The following CPD variants were observed in gnomAD, a reference collection of about 807,000 sequenced individuals.
CPD encodes carboxypeptidase D, also known as metallocarboxypeptidase D.
Under a neutral mutation model 138.3 loss-of-function variants are expected in CPD, and 69 were observed. The observed-to-expected ratio is 0.50, with a 90% CI of 0.41 to 0.61. The LOEUF is 0.61. CPD is among the 20% of genes least tolerant of loss of function. CPD has a pLI of 0.00. For synonymous variants in CPD, 651 were observed against 642.1 expected (o/e 1.01, Z -0.21); for missense variants, 1,432 against 1,733.3 (o/e 0.83, Z 3.09).
At chr17:30,406,190 G>A (rs1319471281) in intron 2 of CPD, among the ~76,000 whole-genome samples, 1 of 151,728 alleles carries the variant, frequency 6.6e-6, no homozygotes, top group Non-Finnish European at 1.5e-5. Flanking sequence ...AAAATTTGGG[G>A]ACTGTATGTC....
chr17:30,456,473 C>T lies in CPD; in HGVS notation c.3445C>T (p.Pro1149Ser). Residue 1149 changes from proline to serine, a missense_variant, in exon 17 of 21, where the codon CCA becomes TCA. Physicochemically the swap from Pro to Ser is moderately conservative, Grantham distance 74. Coordinates refer to ENST00000225719, the MANE Select transcript of CPD (RefSeq NM_001304.5). ...TAATGCTTTTATAGATGAGAATATTCCAGGAGGAGTAATGCGTGGAGCAGA... is the reference window on the plus strand; with the variant it reads ...TAATGCTTTTATAGATGAGAATATTTCAGGAGGAGTAATGCGTGGAGCAGA... ...SCPNKSDENI[P>S]GGVMRGAEWH... is the part of the protein sequence containing the mutation. The T allele has an allele frequency of 6.2e-7, 1 of 1,614,076 alleles. No homozygotes were observed. Among genetic ancestry groups the T allele is most frequent in the African/African-American group, 1.3e-5 (1 of 75,010 alleles).
rs766923875 is a variant in CPD at position 30,451,828 on chromosome 17, T to C, written c.3187T>C (p.Leu1063=). 6.2e-7 allele frequency: 1 copy of C among 1,613,950 alleles called. No homozygotes were observed. Among genetic ancestry groups the C allele is most frequent in the African/African-American group, 1.3e-5 (1 of 74,938 alleles). ...IGQTNARGKD[L]DTDFTNNASQ... is the part of the protein sequence containing the mutation. Reference sequence around the variant, plus strand: ...ACAAACAAATGCTCGTGGCAAAGATTTGGATACAGACTTCACAAGTAAGAC... The same window carrying C: ...ACAAACAAATGCTCGTGGCAAAGATCTGGATACAGACTTCACAAGTAAGAC... Residue 1063 remains leucine, a synonymous_variant, in exon 14 of 21, where the codon TTG becomes CTG. Coordinates refer to ENST00000225719, the MANE Select transcript of CPD (RefSeq NM_001304.5).
rs1470413186 is a variant in CPD at position 30,469,450 on chromosome 17, A to G, written c.*4636A>G. On this transcript the variant is annotated 3_prime_UTR_variant, in exon 21 of 21. Coordinates refer to ENST00000225719, the MANE Select transcript of CPD (RefSeq NM_001304.5). ...TGATAGGATTGCAGTGGAAAATTAA[A>G]TGAAATAATGTTAGCAAAGGTCCCA... The G allele has an allele frequency of 1.3e-5, 2 of 152,250 alleles. No individual in the cohort carries two copies. The highest frequency in any genetic ancestry group is 2.9e-5 in the Non-Finnish European group (2 of 68,040). The allele number at this position is 152,250 out of a possible 1,614,324, so 9.4% of individuals were successfully genotyped here.
chr17:30,388,170 A>C (rs1173084642), intron 2 of CPD, among the ~76,000 whole-genome samples: 1 of 152,132 alleles, frequency 6.6e-6, no homozygotes, highest in Non-Finnish European at 1.5e-5. Flanking sequence ...TATGGACCTC[A>C]GAGGGGAGGA....
chr17:30,379,040 G>A lies in CPD; in HGVS notation c.60G>A (p.Met20Ile). ...PWRLGRLLLL[M>I]CLLLLGSSAR... is the part of the protein sequence containing the mutation. The stretch of plus-strand genomic sequence containing the variant: ...GGCTAGGGCGGCTCCTGTTGCTCAT[G>A]TGCCTGCTGCTGCTGGGGAGCTCGG... Residue 20 changes from methionine to isoleucine, a missense_variant, in exon 1 of 21, where the codon ATG becomes ATA. Around this residue, in one of 6 missense-constraint regions of CPD, gnomAD observed 484 missense variants for 477.2 expected, o/e 1.01. Coordinates refer to ENST00000225719, the MANE Select transcript of CPD (RefSeq NM_001304.5). The surrounding 1 kb of genome is among the most constrained non-coding windows in gnomAD (Gnocchi z 7.0). The A allele has an allele frequency of 3.2e-6, 5 of 1,562,458 alleles. No individual in the cohort carries two copies. The highest frequency in any genetic ancestry group is 4.3e-6 in the Non-Finnish European group (5 of 1,161,874).
At chr17:30,411,119 C>G (rs1911957100) in intron 2 of CPD, among the ~76,000 whole-genome samples, 1 of 152,168 alleles carries the variant, frequency 6.6e-6, no homozygotes, top group Admixed American at 6.5e-5. Context: ...ACTTACGAAG[C>G]TTAGTTTGGC....
chr17:30,439,267 G>A (rs530908889), intron 9 of CPD, among the ~76,000 whole-genome samples, 190 bp downstream of exon 9: 51 of 151,742 alleles, frequency 3.4e-4, no homozygotes, highest in African/African-American at 1.2e-3. Context: ...GGTTGAGTAA[G>A]AATAATGCAC....
chr17:30,409,516 T>C (rs1293924769), intron 2 of CPD, among the ~76,000 whole-genome samples: 1 of 151,530 alleles, frequency 6.6e-6, no homozygotes. Context: ...TAGGCTATTA[T>C]TGCCTCAATT....
chr17:30,434,520 A>C (rs1483866056), intron 8 of CPD, among the ~76,000 whole-genome samples: 1 of 152,184 alleles, frequency 6.6e-6, no homozygotes, highest in African/African-American at 2.4e-5. Flanking sequence ...AGAGCTCTGG[A>C]ATACAGGGAA....
intron 2 of CPD, among the ~76,000 whole-genome samples, chr17:30,387,765 G>A (rs1414525049): frequency 6.6e-6 from 1 of 152,082 alleles, no homozygotes; most frequent in Non-Finnish European, 1.5e-5. Context: ...ACCCAAAATG[G>A]GTCATAAGTT....
Position 30,456,497 on chromosome 17 carries a change from G to A in CPD, c.3469G>A (p.Glu1157Lys). The change falls in exon 17 of 21, where the codon GAA (glutamate) becomes AAA (lysine). Residue 1157 changes from glutamate to lysine, a missense_variant. Around this residue, in one of 6 missense-constraint regions of CPD, gnomAD observed 366 missense variants for 518.8 expected, o/e 0.71. Transcript: ENST00000225719. ...NIPGGVMRGA[E>K]WHSHLGSMKD... is the part of the protein sequence containing the mutation. ...TCCAGGAGGAGTAATGCGTGGAGCA[G>A]AATGGCATAGTCACCTGGGCAGCAT... 1.9e-6 allele frequency: 3 copies of A among 1,614,190 alleles called. No individual in the cohort carries two copies. Among genetic ancestry groups the A allele is most frequent in the Non-Finnish European group, 2.5e-6 (3 of 1,180,022 alleles).
intron 17 of CPD, among the ~76,000 whole-genome samples, chr17:30,457,623 C>T (rs552029463): frequency 2.6e-5 from 4 of 151,970 alleles, no homozygotes; most frequent in Admixed American, 2.6e-4. Context: ...TTTGAGGTTT[C>T]CAATTTTCCC....
rs1206080085 is a variant in CPD, at chr17:30,466,423, A to G, written c.*1609A>G. On this transcript the variant is annotated 3_prime_UTR_variant, in exon 21 of 21. Transcript: ENST00000225719. ...AAGAAGATTTTCTTTAGCAAGAATA[A>G]TGAGGTCATGTCATTTGTTAATAAG... The G allele has an allele frequency of 6.6e-6, 1 of 152,588 alleles. No homozygotes were observed. The highest frequency in any genetic ancestry group is 1.5e-5 in the Non-Finnish European group (1 of 68,002). 9.5% of individuals were successfully genotyped at this position (152,588 alleles called of 1,614,324 possible).
At chr17:30,458,686 T>C (rs1312315136) in intron 17 of CPD, among the ~76,000 whole-genome samples, 12 of 151,976 alleles carry the variant, frequency 7.9e-5, no homozygotes, top group Admixed American at 7.9e-4. Flanking sequence ...GGCCAACATG[T>C]TGAAACCCCA....
At chr17:30,438,315 T>C (rs1168634629) in intron 8 of CPD, among the ~76,000 whole-genome samples, 2 of 152,168 alleles carry the variant, frequency 1.3e-5, no homozygotes, top group East Asian at 3.9e-4. Context: ...TCATCAGATG[T>C]AATCTTTCTC....
intron 4 of CPD, among the ~76,000 whole-genome samples, chr17:30,422,378 C>T (rs1255459385): frequency 2.0e-5 from 3 of 152,188 alleles, no homozygotes; most frequent in Non-Finnish European, 4.4e-5. Context: ...GCAGTGGTTA[C>T]AATGGAGTAA....
chr17:30,446,041 T>TA, intron 12 of CPD, 21 bp downstream of exon 12: 1 of 1,510,818 alleles, frequency 6.6e-7, no homozygotes, highest in Non-Finnish European at 9.0e-7. Context: ...CTTTCTATTG[T>TA]CTTTTTTTTT....
chr17:30,443,849 G>C lies in CPD; in HGVS notation c.2421G>C (p.Arg807Ser). The change falls in exon 11 of 21, where the codon AGG becomes AGC. Residue 807 changes from arginine to serine, a missense_variant. Around this residue, in one of 6 missense-constraint regions of CPD, gnomAD observed 297 missense variants for 405.3 expected, o/e 0.73. Transcript: ENST00000225719. ...TTGTTCTAGATGCCACAGATGGCAG[G>C]GGTATATTAAATGCCACCATTAGTG... ...RGFVLDATDGRGILNATISVA... is the reference protein window; with the variant it reads ...RGFVLDATDGSGILNATISVA... 6.2e-7 allele frequency: 1 copy of C among 1,613,812 alleles called. No homozygotes were observed. Among genetic ancestry groups the C allele is most frequent in the Non-Finnish European group, 8.5e-7 (1 of 1,179,798 alleles).
At chr17:30,459,501 C>T (rs971131303) in intron 17 of CPD, among the ~76,000 whole-genome samples, 1 of 151,642 alleles carries the variant, frequency 6.6e-6, no homozygotes, top group African/African-American at 2.4e-5. Flanking sequence ...CGATAGTTTG[C>T]TGAGAATGAT....
Sources: gnomAD v4.1 joint callset for allele counts (sites outside exome capture counted in the v4.1 genomes callset) on GRCh38, gnomAD v4.1.1 for gene constraint, gnomAD v4.1.1 regional missense constraint, Gnocchi (gnomAD v3.1) non-coding constraint, MANE v1.5 for transcripts, NCBI Gene and HGNC (gene_info 2026-07-23, HGNC 2026-07-21) for gene names.